Variants in LEF1 observed in about 807,000 individuals in gnomAD.
LEF1 encodes lymphoid enhancer-binding factor 1.
A neutral mutation model predicts 51.2 loss-of-function variants in LEF1; 14 were observed. The observed-to-expected ratio is 0.27, with a 90% CI of 0.18 to 0.43. The LOEUF (loss-of-function observed/expected upper bound fraction) is 0.43, where lower values mean the gene tolerates loss of function less well. Among genes scored for constraint, LEF1 ranks in the 20% least tolerant of loss-of-function variants. The pLI, the probability that LEF1 is intolerant of heterozygous loss-of-function variation, is 1.00. For synonymous variants in LEF1, 185 were observed against 183.2 expected (o/e 1.01, Z -0.08); for missense variants, 386 against 512.0 (o/e 0.75, Z 2.37).
At chr4:108,077,025 C>CA (rs35942591) in intron 8 of LEF1, among the ~76,000 whole-genome samples, 55,929 of 97,368 alleles carry the variant, frequency 0.57, 16,744 homozygotes, top group Middle Eastern at 0.73. Context: ...AGACTCATCT[C>CA]AAAAAAAAAA....
chr4:108,157,213 CACACACAA>C (rs1560830024), intron 3 of LEF1, among the ~76,000 whole-genome samples: 14 of 147,748 alleles, frequency 9.5e-5, no homozygotes, highest in African/African-American at 3.4e-4. Context: ...CACACACACA[CACACACAA>C]ACACACATAT....
intron 3 of LEF1, among the ~76,000 whole-genome samples, chr4:108,157,282 C>A (rs1209579628): frequency 2.6e-5 from 4 of 151,450 alleles, no homozygotes. Flanking sequence ...CTCACTGCAA[C>A]CTCAGACTCC....
intron 9 of LEF1, among the ~76,000 whole-genome samples, chr4:108,069,220 C>T (rs1338694164): frequency 6.6e-6 from 1 of 152,202 alleles, no homozygotes; most frequent in Non-Finnish European, 1.5e-5. Flanking sequence ...ACTTCACAGG[C>T]TCCAGAAGTG....
At chr4:108,054,954 C>T (rs1437690114) in intron 11 of LEF1, among the ~76,000 whole-genome samples, 1 of 152,182 alleles carries the variant, frequency 6.6e-6, no homozygotes. Flanking sequence ...AGCAGGATTT[C>T]CCACTCATCT....
At chr4:108,149,231 G>A (rs34290514) in intron 3 of LEF1, among the ~76,000 whole-genome samples, 41,430 of 151,326 alleles carry the variant, frequency 0.27, 6,538 homozygotes, top group East Asian at 0.64. Flanking sequence ...AGGCAGAGGC[G>A]GGCGGATCAT....
intron 3 of LEF1, among the ~76,000 whole-genome samples, chr4:108,124,349 A>G (rs906193902): frequency 2.0e-5 from 3 of 151,950 alleles, no homozygotes; most frequent in Admixed American, 6.6e-5. Context: ...TGGGGAGTAT[A>G]TACCCCTTAA....
At chr4:108,093,878 T>A (rs1024995558) in intron 3 of LEF1, among the ~76,000 whole-genome samples, 1 of 152,150 alleles carries the variant, frequency 6.6e-6, no homozygotes, top group South Asian at 2.1e-4. Context: ...ACATAATACA[T>A]AGTAATTACA....
rs529936686 is a variant in LEF1 at position 108,048,543 on chromosome 4, A to G, written c.*215T>C. 9.9e-4 allele frequency: 483 copies of G among 489,366 alleles called. 5 individuals carry two copies. Among genetic ancestry groups the G allele is most frequent in the Middle Eastern group, 9.4e-3 (32 of 3,420 alleles). 30.3% of individuals were successfully genotyped at this position (489,366 alleles called of 1,614,324 possible). A position where few individuals can be genotyped will look rare whatever the true frequency, so the allele number is the denominator to read the frequency against. ...CTTTATTTTGGAACTTGGCTCTTGC[A>G]GTAGACGAAAGAGGGGTTGGCAGTG... On this transcript the variant is annotated 3_prime_UTR_variant, in exon 12 of 12. Coordinates refer to ENST00000265165, the MANE Select transcript of LEF1 (RefSeq NM_016269.5).
At chr4:108,070,051 G>GA (rs138589613) in intron 9 of LEF1, among the ~76,000 whole-genome samples, 6,376 of 150,822 alleles carry the variant, frequency 0.042, 166 homozygotes, top group Non-Finnish European at 0.062. Context: ...CCTAAATACA[G>GA]AAAAAAACTG....
Position 108,063,658 on chromosome 4 carries a change from C to T in LEF1, c.1171G>A (p.Gly391Ser). The T allele has an allele frequency of 6.3e-7, 1 of 1,595,150 alleles. No individual in the cohort carries two copies. The highest frequency in any genetic ancestry group is 8.5e-7 in the Non-Finnish European group (1 of 1,175,012). Residue 391 changes from glycine (G) to serine (S), a missense_variant, in exon 11 of 12, where the codon GGT (glycine) becomes AGT (serine). Transcript: ENST00000265165. The part of the protein sequence containing the change: ...EKLQESASGT[G>S]PRMTAAYI ...ATGTAGGCAGCTGTCATTCTTGGACCTGTACCTGCAGAAAATTGTGTCTTT... is the reference window on the plus strand; with the variant it reads ...ATGTAGGCAGCTGTCATTCTTGGACTTGTACCTGCAGAAAATTGTGTCTTT...
At chr4:108,128,385 A>G (rs1050934681) in intron 3 of LEF1, among the ~76,000 whole-genome samples, 2 of 152,190 alleles carry the variant, frequency 1.3e-5, no homozygotes, top group Non-Finnish European at 2.9e-5. Flanking sequence ...TGATTACAAC[A>G]TAAACAAAAT....
intron 9 of LEF1, among the ~76,000 whole-genome samples, chr4:108,066,433 G>A (rs533132921): frequency 3.9e-5 from 6 of 152,032 alleles, no homozygotes; most frequent in Non-Finnish European, 8.8e-5. Context: ...CTTCTTCCTC[G>A]CTCCCTATGA....
chr4:108,092,909 T>C lies in LEF1; in HGVS notation c.415-3652A>G, dbSNP rs377318106. On this transcript the variant is annotated intron_variant, in intron 3 of 11. Coordinates refer to ENST00000265165, the MANE Select transcript of LEF1 (RefSeq NM_016269.5). ...AGCAGGGGGTGGGTATTGGAAACAA[T>C]GAATATGTAAAAAAAAAAAAAAAAA... Among the ~76,000 whole-genome samples, 63 of 18,326 alleles carry C rather than the reference T, an allele frequency of 3.4e-3. 1 individual carries two copies. The highest frequency in any genetic ancestry group is 9.6e-4 in the Non-Finnish European group (8 of 8,300). The allele number at this position is 18,326 out of a possible 152,430, so 12.0% of individuals were successfully genotyped here. A position where few individuals can be genotyped will look rare whatever the true frequency, so the allele number is the denominator to read the frequency against.
chr4:108,139,673 T>C (rs913912493), intron 3 of LEF1, among the ~76,000 whole-genome samples: 8 of 152,196 alleles, frequency 5.3e-5, no homozygotes, highest in Non-Finnish European at 7.4e-5. Context: ...TGTGCTGCCA[T>C]TTTGTGAGAG....
intron 3 of LEF1, among the ~76,000 whole-genome samples, chr4:108,103,940 CAT>C (rs764842629): frequency 1.1e-4 from 16 of 152,160 alleles, no homozygotes; most frequent in Non-Finnish European, 2.4e-4. Context: ...GAATTGAAAT[CAT>C]ATATTCACAT....
chr4:108,079,399 A>C, intron 7 of LEF1, 93 bp downstream of exon 7: 1 of 1,409,560 alleles, frequency 7.1e-7, no homozygotes, highest in Non-Finnish European at 1.0e-6. Context: ...ACAGCAACAC[A>C]AAGGGGTGAA....
At chr4:108,159,167 G>A (rs1744914681) in intron 3 of LEF1, among the ~76,000 whole-genome samples, 1 of 152,136 alleles carries the variant, frequency 6.6e-6, no homozygotes, top group Admixed American at 6.5e-5. Flanking sequence ...CTGGCCATAA[G>A]GTATTTGATG....
intron 6 of LEF1, among the ~76,000 whole-genome samples, chr4:108,081,301 C>T (rs1739283286): frequency 6.6e-6 from 1 of 152,118 alleles, no homozygotes; most frequent in African/African-American, 2.4e-5. Flanking sequence ...CCGGACAGTT[C>T]CCATCCCACA....
chr4:108,138,315 G>A (rs1304619758), intron 3 of LEF1, among the ~76,000 whole-genome samples: 1 of 152,178 alleles, frequency 6.6e-6, no homozygotes, highest in African/African-American at 2.4e-5. Context: ...GAGGTATCAA[G>A]TATGCTCTGT....
Sources: gnomAD v4.1 joint callset for allele counts (sites outside exome capture counted in the v4.1 genomes callset) on GRCh38, gnomAD v4.1.1 for gene constraint, MANE v1.5 for transcripts, NCBI Gene and HGNC (gene_info 2026-07-23, HGNC 2026-07-21) for gene names.